The following DTNA variants were observed in gnomAD, a reference collection of about 807,000 sequenced individuals.
DTNA encodes dystrobrevin alpha, also known as dystrophin-related protein 3.
Under a neutral mutation model 100.7 loss-of-function variants are expected in DTNA, and 43 were observed. That is an observed-to-expected ratio of 0.43 (90% CI 0.33 to 0.55). The LOEUF is 0.55. Ranked by LOEUF, DTNA falls within the 20% of genes least tolerant of loss-of-function variation. The probability of loss-of-function intolerance (pLI) is 0.04; values close to 1 mark genes in which losing one functional copy is unlikely to be tolerated. For missense variants in DTNA, 798 were observed against 953.9 expected (o/e 0.84, Z 2.15); for synonymous variants, 349 against 347.9 (o/e 1.00, Z -0.04).
At chr18:34,722,713 C>T (rs949464151) in intron 1 of DTNA, among the ~76,000 whole-genome samples, 1 of 151,996 alleles carries the variant, frequency 6.6e-6, no homozygotes, top group African/African-American at 2.4e-5. Flanking sequence ...GGTAATGCCT[C>T]CCACCTGTCC....
At chr18:34,606,754 T>C (rs1225373100) in intron 1 of DTNA, among the ~76,000 whole-genome samples, 3 of 152,136 alleles carry the variant, frequency 2.0e-5, no homozygotes, top group Non-Finnish European at 2.9e-5. Flanking sequence ...CTTTCAGGAT[T>C]GAAGGACTAG....
At position 34,517,460 on chromosome 18, in the gene DTNA, C is replaced by CGTGTGTGTGTGTGTGTGTGTGT. The variant is rs1199695756; in HGVS notation, c.-2+23953_-2+23974dup. On this transcript the variant is annotated intron_variant, in intron 1 of 19. Coordinates refer to the DTNA transcript ENST00000283365. ...TCAGATTTAATAAGTTTTATATACA[C>CGTGTGTGTGTGTGTGTGTGTGT]GTGTGTGTGTGTGTGTGTGTGTGTG... Among the ~76,000 whole-genome samples the CGTGTGTGTGTGTGTGTGTGTGT allele has an allele frequency of 1.9e-4, 28 of 148,998 alleles. No individual in the cohort carries two copies. In the East Asian group the frequency reaches 5.3e-3, roughly 28 times the overall value.
intron 1 of DTNA, among the ~76,000 whole-genome samples, chr18:34,558,664 T>A (rs1242267122): frequency 6.6e-6 from 1 of 152,174 alleles, no homozygotes; most frequent in Non-Finnish European, 1.5e-5. Context: ...GTGAAGAATT[T>A]TTTACATTCA....
At chr18:34,532,539 G>GTT (rs1028625531) in intron 1 of DTNA, among the ~76,000 whole-genome samples, 1 of 150,734 alleles carries the variant, frequency 6.6e-6, no homozygotes, top group Admixed American at 6.6e-5. Context: ...TGTTGTTTTG[G>GTT]TTTTTTTTTA....
intron 9 of DTNA, among the ~76,000 whole-genome samples, chr18:34,824,804 C>G (rs751591072): frequency 6.6e-6 from 1 of 151,524 alleles, no homozygotes; most frequent in Non-Finnish European, 1.5e-5. Context: ...TGGTCTGGAA[C>G]TCCTAGGCTG....
At chr18:34,827,823 C>T (rs544947459) in intron 10 of DTNA, 147 bp downstream of exon 10, 2 of 865,954 alleles carry the variant, frequency 2.3e-6, no homozygotes, top group East Asian at 2.6e-5. Flanking sequence ...TTTTCAATTT[C>T]ATTCATTTGT....
intron 1 of DTNA, among the ~76,000 whole-genome samples, chr18:34,633,734 T>A (rs1484971580): frequency 6.6e-6 from 1 of 152,152 alleles, no homozygotes; most frequent in East Asian, 1.9e-4. Flanking sequence ...TTGCTAAGAA[T>A]GGGGCCAGCC....
At chr18:34,840,676 G>T (rs541074301) in intron 13 of DTNA, among the ~76,000 whole-genome samples, 4 of 152,108 alleles carry the variant, frequency 2.6e-5, no homozygotes, top group Non-Finnish European at 5.9e-5. Flanking sequence ...GACACCTTGC[G>T]TCTGCCTGAT....
At chr18:34,544,373 A>AT (rs2044554760) in intron 1 of DTNA, among the ~76,000 whole-genome samples, 2 of 152,192 alleles carry the variant, frequency 1.3e-5, no homozygotes, top group East Asian at 3.9e-4. Context: ...CTACTGACAT[A>AT]TTTACATGTC....
At chr18:34,643,911 A>G (rs1038759390) in intron 1 of DTNA, among the ~76,000 whole-genome samples, 1 of 152,118 alleles carries the variant, frequency 6.6e-6, no homozygotes, top group Non-Finnish European at 1.5e-5. Flanking sequence ...CCTGCTATAT[A>G]ATATAATCTA....
intron 3 of DTNA, among the ~76,000 whole-genome samples, chr18:34,776,242 G>T (rs1263307887): frequency 8.5e-5 from 13 of 152,182 alleles, no homozygotes; most frequent in Admixed American, 8.5e-4. Flanking sequence ...GGATAACAAA[G>T]GTGGGAGAGA....
At chr18:34,859,540 C>A (rs1486735439) in intron 16 of DTNA, among the ~76,000 whole-genome samples, 1 of 152,176 alleles carries the variant, frequency 6.6e-6, no homozygotes, top group Non-Finnish European at 1.5e-5. Context: ...AAAGTGACAT[C>A]CTATGCAAAC....
At chr18:34,698,495 G>A (rs542926114) in intron 1 of DTNA, among the ~76,000 whole-genome samples, 23 of 152,242 alleles carry the variant, frequency 1.5e-4, no homozygotes, top group African/African-American at 4.6e-4. Flanking sequence ...GGCTTCCCCC[G>A]TTTGTATGTC....
At chr18:34,764,338 C>T (rs559691496) in intron 2 of DTNA, among the ~76,000 whole-genome samples, 48 of 152,288 alleles carry the variant, frequency 3.2e-4, no homozygotes, top group African/African-American at 1.2e-3. Flanking sequence ...TGGGAAGTGA[C>T]AGAGTTAAAT....
intron 1 of DTNA, among the ~76,000 whole-genome samples, chr18:34,710,989 C>T (rs1282674681): frequency 6.6e-6 from 1 of 151,736 alleles, no homozygotes; most frequent in Non-Finnish European, 1.5e-5. Context: ...ATGTATAGTC[C>T]GGTTTTATCT....
intron 1 of DTNA, among the ~76,000 whole-genome samples, chr18:34,630,474 A>G (rs2057933769): frequency 6.6e-6 from 1 of 152,220 alleles, no homozygotes; most frequent in South Asian, 2.1e-4. Context: ...GTCAGCGATA[A>G]GAAAATGAAG....
intron 1 of DTNA, among the ~76,000 whole-genome samples, chr18:34,502,533 C>T (rs1174822599): frequency 2.6e-5 from 4 of 152,094 alleles, no homozygotes. Context: ...GTCACTGTAT[C>T]CCATACATTT....
intron 1 of DTNA, among the ~76,000 whole-genome samples, chr18:34,621,802 G>C (rs552007241): frequency 6.6e-6 from 1 of 152,314 alleles, no homozygotes; most frequent in Admixed American, 6.5e-5. Context: ...AAATTGCTAA[G>C]AGAGTAGATA....
chr18:34,860,684 A>G (rs2096613047), intron 16 of DTNA, among the ~76,000 whole-genome samples: 1 of 152,208 alleles, frequency 6.6e-6, no homozygotes, highest in African/African-American at 2.4e-5. Flanking sequence ...TCTTAAAACC[A>G]CAATGAACTT....
Sources: allele counts gnomAD v4.1 joint callset (sites outside exome capture counted in the v4.1 genomes callset), GRCh38; gene constraint gnomAD v4.1.1; transcripts MANE v1.5; gene names NCBI Gene and HGNC (gene_info 2026-07-23, HGNC 2026-07-21).